The following AKR1D1 variants were observed in gnomAD, a reference collection of about 807,000 sequenced individuals.
AKR1D1 encodes delta(4)-3-ketosteroid 5-beta-reductase.
In AKR1D1, 32 loss-of-function variants were observed where a neutral mutation model predicts 42.6. The observed-to-expected ratio is 0.75, with a 90% CI of 0.57 to 1.01. The LOEUF (loss-of-function observed/expected upper bound fraction) is 1.01. Ranked by LOEUF, AKR1D1 falls within the 50% of genes least tolerant of loss-of-function variation. The pLI, the probability that AKR1D1 is intolerant of heterozygous loss-of-function variation, is 0.00. For missense variants in AKR1D1, 364 were observed against 402.2 expected, an observed-to-expected ratio of 0.91 and a Z score of 0.81; for synonymous variants, 123 against 135.5, an observed-to-expected ratio of 0.91 and a Z score of 0.64.
At chr7:138,085,446 C>T (rs1585721827) in intron 1 of AKR1D1, among the ~76,000 whole-genome samples, 4 of 129,796 alleles carry the variant, frequency 3.1e-5, no homozygotes, top group Non-Finnish European at 3.2e-5. Flanking sequence ...CTTTTCTTTC[C>T]TTTTTTTTTT....
In AKR1D1 at chr7:138,117,099, CA is replaced by C; in HGVS notation, c.*438del. On this transcript the variant is annotated 3_prime_UTR_variant, in exon 9 of 9. Coordinates refer to ENST00000242375, the MANE Select transcript of AKR1D1 (RefSeq NM_005989.4). Reference sequence around the variant, plus strand: ...TTTGGACCATTGGTTACAAAACAGACACAGCCAAGATAAGATCCACACACAC... The same window carrying C: ...TTTGGACCATTGGTTACAAAACAGACCAGCCAAGATAAGATCCACACACAC... The C allele has an allele frequency of 3.1e-5, 5 of 161,736 alleles. No homozygotes were observed. Among genetic ancestry groups the C allele is most frequent in the Admixed American group, 6.0e-5 (1 of 16,644 alleles). The allele number at this position is 161,736 out of a possible 1,614,324, so 10.0% of individuals were successfully genotyped here. A position where few individuals can be genotyped will look rare whatever the true frequency, so the allele number is the denominator to read the frequency against.
chr7:138,114,854 T>TG (rs1794605709), intron 8 of AKR1D1, among the ~76,000 whole-genome samples: 1 of 152,056 alleles, frequency 6.6e-6, no homozygotes, highest in Admixed American at 6.6e-5. Flanking sequence ...ATTCAGAAAA[T>TG]GCTAAGATGA....
At chr7:138,106,312 A>C (rs1349818870) in intron 5 of AKR1D1, among the ~76,000 whole-genome samples, 1 of 152,204 alleles carries the variant, frequency 6.6e-6, no homozygotes, top group East Asian at 1.9e-4. Flanking sequence ...TTACTACAAC[A>C]TTGTTCATAA....
In AKR1D1 at chr7:138,117,419, G is replaced by A. The variant is rs753717468; in HGVS notation, c.*757G>A. The A allele has an allele frequency of 6.6e-6, 1 of 152,520 alleles. No homozygotes were observed. The highest frequency in any genetic ancestry group is 2.1e-4 in the South Asian group (1 of 4,816). The allele number at this position is 152,520 out of a possible 1,614,324, so 9.4% of individuals were successfully genotyped here. ...TATAGAACCACTATTACGTGAAAAG[G>A]CTTGAAACAACCAACATATACAAAT... On this transcript the variant is annotated 3_prime_UTR_variant, in exon 9 of 9. Transcript: ENST00000242375.
At chr7:138,093,071 CTTT>C (rs200473265) in intron 3 of AKR1D1, among the ~76,000 whole-genome samples, 4 of 140,872 alleles carry the variant, frequency 2.8e-5, no homozygotes, top group African/African-American at 2.6e-5. Context: ...ATACTAATTA[CTTT>C]TTTTTTTTTT....
chr7:138,111,090 T>C (rs1161463397), intron 7 of AKR1D1, among the ~76,000 whole-genome samples: 2 of 152,174 alleles, frequency 1.3e-5, no homozygotes, highest in African/African-American at 4.8e-5. Context: ...CTAATTCCCA[T>C]GCCTAGCCCT....
chr7:138,100,635 A>C (rs1274450864), intron 4 of AKR1D1, among the ~76,000 whole-genome samples: 4 of 151,594 alleles, frequency 2.6e-5, no homozygotes, highest in African/African-American at 7.3e-5. Flanking sequence ...TTCAAAATAC[A>C]TGAAGCATCA....
rs1028120518 is a variant in AKR1D1, at chr7:138,109,563, C to A, written c.855+1983C>A. On this transcript the variant is annotated intron_variant, in intron 7 of 8. Transcript: ENST00000242375. ...TGAGTAGGATACCCTGACCCCAGGG[C>A]TATATCCCTATTCCTGTGCTGAAGA... Among the ~76,000 whole-genome samples the A allele has an allele frequency of 9.9e-5, 15 of 152,174 alleles. 1 individual carries two copies. The highest frequency in any genetic ancestry group is 4.8e-5 in the African/African-American group (2 of 41,430).
At position 138,118,243 on chromosome 7, in the gene AKR1D1, C is replaced by T. The variant is rs918396692; in HGVS notation, c.*1581C>T. 1.3e-5 allele frequency among the ~76,000 whole-genome samples: 2 copies of T among 152,054 alleles called. No individual in the cohort carries two copies. The highest frequency in any genetic ancestry group is 2.9e-5 in the Non-Finnish European group (2 of 68,012). On this transcript the variant is annotated 3_prime_UTR_variant, in exon 9 of 9. Transcript: ENST00000242375. ...CTGATTCCAATATTATTACTTATAA[C>T]ACTGACCTCTGGAAAATATTTTGTT...
chr7:138,107,338 AGAG>A, intron 6 of AKR1D1, 74 bp from the exon 7 acceptor site: 1 of 1,486,032 alleles, frequency 6.7e-7, no homozygotes, highest in Non-Finnish European at 9.4e-7. Context: ...ATGGGAAGAC[AGAG>A]GAGGAGGATG....
intron 2 of AKR1D1, chr7:138,091,257 T>C: frequency 5.8e-6 from 1 of 173,672 alleles, no homozygotes; most frequent in Non-Finnish European, 1.2e-5. Context: ...GGCTGTAACA[T>C]ATGTCACCCC....
chr7:138,088,809 G>A (rs1288754890), intron 2 of AKR1D1, 41 bp downstream of exon 2: 5 of 1,552,224 alleles, frequency 3.2e-6, no homozygotes, highest in Non-Finnish European at 4.4e-6. Flanking sequence ...ACAGTGAGAA[G>A]GTTTCAGTTG....
chr7:138,098,973 G>A (rs1258589414), intron 4 of AKR1D1, among the ~76,000 whole-genome samples: 1 of 152,050 alleles, frequency 6.6e-6, no homozygotes, highest in Non-Finnish European at 1.5e-5. Flanking sequence ...GAAAAACTGA[G>A]GAAAAACATA....
At chr7:138,091,075 T>C (rs1230225966) in intron 2 of AKR1D1, among the ~76,000 whole-genome samples, 2 of 152,190 alleles carry the variant, frequency 1.3e-5, no homozygotes, top group Admixed American at 6.5e-5. Context: ...ATCTAGAACA[T>C]TGTGTAACCC....
In AKR1D1 at chr7:138,111,649, A is replaced by G. The variant is rs190317830; in HGVS notation, c.856-2041A>G. On this transcript the variant is annotated intron_variant, in intron 7 of 8. Coordinates refer to ENST00000242375, the MANE Select transcript of AKR1D1 (RefSeq NM_005989.4). ...ATTTGTGCCATGGGAGAAAAAAAAG[A>G]CCACTGAAAATTAATCCACATACGA... 5.9e-5 allele frequency among the ~76,000 whole-genome samples: 9 copies of G among 152,364 alleles called. 1 individual carries two copies. Among genetic ancestry groups the G allele is most frequent in the Middle Eastern group, 6.8e-3 (2 of 294 alleles).
At position 138,107,913 on chromosome 7, in the gene AKR1D1, T is replaced by A. The variant is rs564167798; in HGVS notation, c.855+333T>A. The stretch of plus-strand genomic sequence containing the variant: ...TGCCCAGGCTAGTCTGGAACTCCTG[T>A]CTTCAAGCGATCCTTCCACCTTGAC... On this transcript the variant is annotated intron_variant, in intron 7 of 8. Transcript: ENST00000242375. Among the ~76,000 whole-genome samples the A allele has an allele frequency of 5.7e-4, 87 of 152,178 alleles. 2 individuals carry two copies. The South Asian group carries it at 0.018, about 31-fold the overall frequency.
chr7:138,081,975 G>T (rs567148984), intron 1 of AKR1D1, among the ~76,000 whole-genome samples: 5 of 152,278 alleles, frequency 3.3e-5, no homozygotes, highest in African/African-American at 1.2e-4. Flanking sequence ...TTCACTGGAA[G>T]CCTTCTCTTG....
At chr7:138,083,504 C>T (rs1335440891) in intron 1 of AKR1D1, among the ~76,000 whole-genome samples, 3 of 152,052 alleles carry the variant, frequency 2.0e-5, no homozygotes, top group African/African-American at 7.2e-5. Context: ...GTGAGATATA[C>T]GGTTTGCAAA....
intron 1 of AKR1D1, among the ~76,000 whole-genome samples, chr7:138,081,077 CAT>C (rs1803045934): frequency 6.6e-6 from 1 of 152,186 alleles, no homozygotes; most frequent in South Asian, 2.1e-4. Context: ...TGCTGCAAAA[CAT>C]AGATCATCCG....
Sources: allele counts gnomAD v4.1 joint callset (sites outside exome capture counted in the v4.1 genomes callset), GRCh38; gene constraint gnomAD v4.1.1; transcripts MANE v1.5; gene names NCBI Gene and HGNC (gene_info 2026-07-23, HGNC 2026-07-21).